NKAIN3: variants seen among roughly 807,000 people sequenced by gnomAD.
NKAIN3 encodes the protein sodium/potassium-transporting ATPase subunit beta-1-interacting protein 3.
NKAIN3 carries 25 observed loss-of-function variants against 30.2 expected under a neutral mutation model. The observed-to-expected ratio is 0.83, with a 90% CI of 0.60 to 1.16. The LOEUF is 1.16. NKAIN3 is among the 50% of genes most tolerant of loss of function. The pLI is 0.00. For synonymous variants in NKAIN3, 91 were observed against 89.6 expected (o/e 1.02, Z -0.09); for missense variants, 225 against 254.1 (o/e 0.89, Z 0.78).
chr8:62,653,985 T>A (rs1240719756), intron 3 of NKAIN3, among the ~76,000 whole-genome samples: 1 of 152,024 alleles, frequency 6.6e-6, no homozygotes, highest in African/African-American at 2.4e-5. Context: ...GATTACAGAT[T>A]TTTACAGAAA....
chr8:62,281,020 G>C (rs879090918), intron 1 of NKAIN3, among the ~76,000 whole-genome samples: 1 of 152,042 alleles, frequency 6.6e-6, no homozygotes, highest in Non-Finnish European at 1.5e-5. Flanking sequence ...TTTTTTGGTT[G>C]GTAGTCTATT....
At chr8:62,511,807 T>C (rs1292701014) in intron 1 of NKAIN3, among the ~76,000 whole-genome samples, 1 of 152,182 alleles carries the variant, frequency 6.6e-6, no homozygotes, top group Non-Finnish European at 1.5e-5. Flanking sequence ...TACTCCTCTA[T>C]CTGATTGCAG....
At chr8:62,289,524 G>T (rs1169891862) in intron 1 of NKAIN3, among the ~76,000 whole-genome samples, 2 of 152,030 alleles carry the variant, frequency 1.3e-5, no homozygotes, top group Non-Finnish European at 2.9e-5. Flanking sequence ...TCTTGTTTTT[G>T]TCAGGTTTGT....
intron 5 of NKAIN3, among the ~76,000 whole-genome samples, chr8:62,944,202 C>A (rs949801106): frequency 4.6e-5 from 7 of 152,044 alleles, no homozygotes; most frequent in Non-Finnish European, 8.8e-5. Flanking sequence ...TATGATGGCA[C>A]CTTTTTCATA....
At chr8:62,286,315 A>C (rs1813378186) in intron 1 of NKAIN3, among the ~76,000 whole-genome samples, 1 of 152,188 alleles carries the variant, frequency 6.6e-6, no homozygotes, top group African/African-American at 2.4e-5. Flanking sequence ...AGCAGGCTAT[A>C]CATAAAGACG....
At chr8:62,634,718 G>T (rs949648083) in intron 3 of NKAIN3, among the ~76,000 whole-genome samples, 1 of 152,170 alleles carries the variant, frequency 6.6e-6, no homozygotes, top group Non-Finnish European at 1.5e-5. Flanking sequence ...TGCTTGCATG[G>T]ACTTGTGGTG....
chr8:62,467,854 C>T (rs1806209705), intron 1 of NKAIN3, among the ~76,000 whole-genome samples: 1 of 152,094 alleles, frequency 6.6e-6, no homozygotes, highest in African/African-American at 2.4e-5. Flanking sequence ...CAGCCTTGAC[C>T]TTCTGATCTC....
intron 1 of NKAIN3, among the ~76,000 whole-genome samples, chr8:62,429,706 G>A (rs967873544): frequency 2.0e-5 from 3 of 151,816 alleles, no homozygotes; most frequent in Admixed American, 6.6e-5. Flanking sequence ...GTGCACCACC[G>A]TGGAGCTGGA....
At chr8:62,574,519 A>T (rs861173) in intron 1 of NKAIN3, among the ~76,000 whole-genome samples, 33,641 of 152,102 alleles carry the variant, frequency 0.22, 3,861 homozygotes, top group East Asian at 0.31. Flanking sequence ...ACCTGACTTC[A>T]AATTATACTA....
At chr8:62,415,143 G>A (rs1382231451) in intron 1 of NKAIN3, among the ~76,000 whole-genome samples, 11 of 107,746 alleles carry the variant, frequency 1.0e-4, no homozygotes, top group South Asian at 5.5e-4. Flanking sequence ...TAGTATATAT[G>A]TATTATATAC....
intron 3 of NKAIN3, among the ~76,000 whole-genome samples, chr8:62,689,619 T>C (rs1813901417): frequency 6.6e-6 from 1 of 152,182 alleles, no homozygotes; most frequent in Non-Finnish European, 1.5e-5. Context: ...TTTCCCTTTC[T>C]TTGTAAAATA....
chr8:62,614,305 G>A (rs1811381889), intron 3 of NKAIN3, among the ~76,000 whole-genome samples: 2 of 152,118 alleles, frequency 1.3e-5, no homozygotes, highest in South Asian at 4.1e-4. Context: ...AGAATTCTCA[G>A]GATTTTCAGA....
chr8:62,719,686 C>G (rs1323215911), intron 3 of NKAIN3, among the ~76,000 whole-genome samples: 1 of 151,950 alleles, frequency 6.6e-6, no homozygotes, highest in African/African-American at 2.4e-5. Flanking sequence ...ATAACTATCA[C>G]CAACACTAAT....
intron 4 of NKAIN3, among the ~76,000 whole-genome samples, chr8:62,878,475 G>A (rs1263390831): frequency 6.6e-6 from 1 of 151,936 alleles, no homozygotes; most frequent in Non-Finnish European, 1.5e-5. Context: ...CCCCCTAAGA[G>A]AGATTTACTG....
intron 3 of NKAIN3, among the ~76,000 whole-genome samples, chr8:62,736,190 C>T (rs1203095213): frequency 1.3e-5 from 2 of 152,136 alleles, no homozygotes; most frequent in African/African-American, 2.4e-5. Context: ...TAGGCTTGCC[C>T]TAGGGTCACC....
At chr8:62,944,125 C>A (rs955617270) in intron 5 of NKAIN3, among the ~76,000 whole-genome samples, 2 of 152,140 alleles carry the variant, frequency 1.3e-5, no homozygotes, top group African/African-American at 2.4e-5. Flanking sequence ...CCCATGTAAC[C>A]AAACGCCACC....
At chr8:62,720,003 C>A in intron 3 of NKAIN3, among the ~76,000 whole-genome samples, 1 of 152,120 alleles carries the variant, frequency 6.6e-6, no homozygotes. Context: ...GTGATCCGCC[C>A]GCCTCCGCCT....
intron 4 of NKAIN3, among the ~76,000 whole-genome samples, chr8:62,821,789 G>A (rs1227118791): frequency 6.6e-6 from 1 of 152,030 alleles, no homozygotes; most frequent in East Asian, 1.9e-4. Context: ...GGTGTTCCCT[G>A]AGAAGGTATT....
At chr8:62,528,307 A>ATAT (rs1210565081) in intron 1 of NKAIN3, among the ~76,000 whole-genome samples, 7,554 of 93,220 alleles carry the variant, frequency 0.081, 317 homozygotes, top group Middle Eastern at 0.14. Context: ...ATATTATATT[A>ATAT]TATATATATA....
Sources: allele counts gnomAD v4.1 joint callset (sites outside exome capture counted in the v4.1 genomes callset), GRCh38; gene constraint gnomAD v4.1.1; transcripts MANE v1.5; gene names NCBI Gene and HGNC (gene_info 2026-07-23, HGNC 2026-07-21).